Variants in LRBA observed in about 807,000 individuals in gnomAD.
The protein encoded by LRBA is LPS responsive beige-like anchor protein.
Under a neutral mutation model 330.0 loss-of-function variants are expected in LRBA, and 176 were observed. That is an observed-to-expected ratio of 0.53 (90% CI 0.47 to 0.60). LRBA has a LOEUF of 0.60. Ranked by LOEUF, LRBA falls within the 20% of genes least tolerant of loss-of-function variation. The pLI, the probability that LRBA is intolerant of heterozygous loss-of-function variation, is 0.00. For missense variants in LRBA, 3,259 were observed against 3,444.8 expected (o/e 0.95, Z 1.35); for synonymous variants, 1,230 against 1,193.0 (o/e 1.03, Z -0.64).
intron 36 of LRBA, among the ~76,000 whole-genome samples, chr4:150,687,212 T>G (rs988405549): frequency 6.6e-6 from 1 of 152,148 alleles, no homozygotes; most frequent in Admixed American, 6.5e-5. Context: ...TAAAAACCAA[T>G]AATAAATCCT....
intron 48 of LRBA, among the ~76,000 whole-genome samples, chr4:150,347,334 C>G (rs1424433326): frequency 1.3e-5 from 2 of 152,080 alleles, no homozygotes; most frequent in Non-Finnish European, 2.9e-5. Flanking sequence ...CTTGATGCCA[C>G]TGAACTGTAA....
chr4:150,534,490 C>A (rs1248140053), intron 40 of LRBA, among the ~76,000 whole-genome samples: 3 of 151,738 alleles, frequency 2.0e-5, no homozygotes, highest in African/African-American at 4.8e-5. Flanking sequence ...TTTTAAGATA[C>A]TTGTCATGTT....
At chr4:150,407,859 G>C (rs1199451859) in intron 47 of LRBA, among the ~76,000 whole-genome samples, 1 of 151,984 alleles carries the variant, frequency 6.6e-6, no homozygotes, top group Non-Finnish European at 1.5e-5. Flanking sequence ...TAAGCTGAAT[G>C]AAAACAAGGA....
At chr4:150,515,709 T>A (rs1762266075) in intron 40 of LRBA, among the ~76,000 whole-genome samples, 1 of 152,042 alleles carries the variant, frequency 6.6e-6, no homozygotes, top group South Asian at 2.1e-4. Context: ...CTCCAAATGA[T>A]TAACGGAAAT....
chr4:150,501,938 T>G lies in LRBA; in HGVS notation c.6331-10903A>C, dbSNP rs149922676. On this transcript the variant is annotated intron_variant, in intron 40 of 56. Coordinates refer to ENST00000651943, the MANE Select transcript of LRBA (RefSeq NM_001364905.1). ...CCAAGCACACCATCTGGAAAGACTTTGCAGGGCCCAGAGGAAAATAGAGAA... is the reference window on the plus strand; with the variant it reads ...CCAAGCACACCATCTGGAAAGACTTGGCAGGGCCCAGAGGAAAATAGAGAA... Among the ~76,000 whole-genome samples the G allele has an allele frequency of 4.2e-3, 636 of 152,332 alleles. 4 individuals are homozygous for G. The highest frequency in any genetic ancestry group is 0.014 in the African/African-American group (572 of 41,578).
In LRBA at chr4:151,014,244, T is replaced by G. The variant is rs1745174951; in HGVS notation, c.216+183A>C. 4 of 559,260 alleles carry G rather than the reference T, an allele frequency of 7.2e-6. No individual in the cohort carries two copies. In the Admixed American group the frequency reaches 1.3e-4, roughly 18 times the overall value. The allele number at this position is 559,260 out of a possible 1,614,324, so 34.6% of individuals were successfully genotyped here. A position where few individuals can be genotyped will look rare whatever the true frequency, so the allele number is the denominator to read the frequency against. Reference sequence around the variant, plus strand: ...TCACAAAACCTGGATCATCTAAGTTTGCACAATTCCCTTCAATCTAAAAAA... The same window carrying G: ...TCACAAAACCTGGATCATCTAAGTTGGCACAATTCCCTTCAATCTAAAAAA... On this transcript the variant is annotated intron_variant, in intron 2 of 56. Coordinates refer to ENST00000651943, the MANE Select transcript of LRBA (RefSeq NM_001364905.1).
At chr4:150,576,815 G>A (rs1407243350) in intron 40 of LRBA, among the ~76,000 whole-genome samples, 1 of 151,904 alleles carries the variant, frequency 6.6e-6, no homozygotes, top group African/African-American at 2.4e-5. Flanking sequence ...TTTCAGTACA[G>A]TTTGATAGGC....
At chr4:150,419,715 G>T (rs536812851) in intron 46 of LRBA, among the ~76,000 whole-genome samples, 2 of 136,898 alleles carry the variant, frequency 1.5e-5, no homozygotes, top group Non-Finnish European at 3.0e-5. Context: ...TTGGCTCACT[G>T]CAACCTCTGC....
chr4:150,818,955 TA>T (rs1745021216), intron 30 of LRBA, among the ~76,000 whole-genome samples: 2 of 152,076 alleles, frequency 1.3e-5, no homozygotes, highest in South Asian at 4.1e-4. Flanking sequence ...ATGTATACAG[TA>T]ATGGTCATAC....
At chr4:150,560,253 GAC>G (rs1402236614) in intron 40 of LRBA, among the ~76,000 whole-genome samples, 3 of 151,688 alleles carry the variant, frequency 2.0e-5, no homozygotes, top group African/African-American at 7.3e-5. Flanking sequence ...TATAGAGAGA[GAC>G]AATGTCAGAG....
At chr4:150,557,376 C>T (rs1005122795) in intron 40 of LRBA, among the ~76,000 whole-genome samples, 1 of 151,836 alleles carries the variant, frequency 6.6e-6, no homozygotes. Flanking sequence ...TGGAAGAAGA[C>T]GCGATATGGG....
chr4:150,380,248 G>A (rs911726552), intron 47 of LRBA, among the ~76,000 whole-genome samples: 26 of 151,932 alleles, frequency 1.7e-4, no homozygotes, highest in African/African-American at 4.1e-4. Context: ...CCTCAATGGC[G>A]CAGGGTCAAC....
chr4:150,971,558 C>T (rs1446686232), intron 2 of LRBA, among the ~76,000 whole-genome samples: 2 of 152,154 alleles, frequency 1.3e-5, no homozygotes, highest in Non-Finnish European at 2.9e-5. Context: ...TGAAAATACA[C>T]AGATATACTT....
intron 46 of LRBA, among the ~76,000 whole-genome samples, chr4:150,427,972 T>A (rs1749866087): frequency 6.6e-6 from 1 of 151,946 alleles, no homozygotes; most frequent in South Asian, 2.1e-4. Flanking sequence ...CCTCTGGGAT[T>A]TCTGAGGTAG....
chr4:150,638,583 C>A (rs1666825102), intron 37 of LRBA, among the ~76,000 whole-genome samples: 1 of 151,536 alleles, frequency 6.6e-6, no homozygotes. Flanking sequence ...ATTTATGCAG[C>A]CAAAAAACAC....
intron 40 of LRBA, among the ~76,000 whole-genome samples, chr4:150,504,436 A>C (rs1460063132): frequency 1.3e-5 from 2 of 152,244 alleles, no homozygotes; most frequent in Non-Finnish European, 2.9e-5. Flanking sequence ...GGGGGCCAAT[A>C]TTCAACATTC....
intron 34 of LRBA, among the ~76,000 whole-genome samples, chr4:150,783,130 C>A (rs1458212462): frequency 6.6e-6 from 1 of 152,124 alleles, no homozygotes; most frequent in African/African-American, 2.4e-5. Context: ...CTGCCTAATG[C>A]CAGAGTACTT....
At chr4:151,010,922 T>C (rs893073744) in intron 2 of LRBA, among the ~76,000 whole-genome samples, 1 of 148,310 alleles carries the variant, frequency 6.7e-6, no homozygotes, top group African/African-American at 2.5e-5. Context: ...GCACAGTGGT[T>C]CACGCCTGTA....
At position 150,415,569 on chromosome 4, in the gene LRBA, A is replaced by G; in HGVS notation, c.7063T>C (p.Tyr2355His). Residue 2355 changes from tyrosine (Y) to histidine (H), a missense_variant, in exon 47 of 57, where the codon TAT becomes CAT. By Grantham distance (83) the Tyr-to-His change is moderately conservative. Transcript: ENST00000651943. ...AAGTTGACAAACATCTCAGGGAGAT[A>G]ATAAAATTCAGGGATCAACTCCTAT... The part of the protein sequence containing the change: ...DIKELIPEFY[Y>H]LPEMFVNFNN... 1 of 1,583,282 alleles carries G rather than the reference A, an allele frequency of 6.3e-7. No individual in the cohort carries two copies. Among genetic ancestry groups the G allele is most frequent in the Non-Finnish European group, 8.7e-7 (1 of 1,152,458 alleles).
Sources: gnomAD v4.1 joint callset for allele counts (sites outside exome capture counted in the v4.1 genomes callset) on GRCh38, gnomAD v4.1.1 for gene constraint, MANE v1.5 for transcripts, NCBI Gene and HGNC (gene_info 2026-07-23, HGNC 2026-07-21) for gene names.